The following KCNQ1 variants were observed in gnomAD, a reference collection of about 807,000 sequenced individuals.
The protein encoded by KCNQ1 is potassium voltage-gated channel subfamily Q member 1, also known as potassium voltage-gated channel subfamily KQT member 1.
Under a neutral mutation model 72.4 loss-of-function variants are expected in KCNQ1, and 49 were observed. That is an observed-to-expected ratio of 0.68 (90% CI 0.54 to 0.86). The LOEUF is 0.86. Among genes scored for constraint, KCNQ1 ranks in the 40% least tolerant of loss-of-function variants. The pLI is 0.00. For synonymous variants in KCNQ1, 450 were observed against 412.6 expected (o/e 1.09, Z -1.10); for missense variants, 790 against 945.1 (o/e 0.84, Z 2.15).
intron 7 of KCNQ1, among the ~76,000 whole-genome samples, chr11:2,584,568 TGTTA>T (rs990228658): frequency 2.0e-5 from 3 of 151,940 alleles, no homozygotes; most frequent in Admixed American, 6.6e-5. Context: ...TATTTGTGTG[TGTTA>T]GTGTTTGTGT....
rs1241945513 is a variant in KCNQ1, at chr11:2,450,783, C to T, written c.386+5299C>T. 1.3e-5 allele frequency among the ~76,000 whole-genome samples: 2 copies of T among 152,134 alleles called. No homozygotes were observed. The highest frequency in any genetic ancestry group is 2.9e-5 in the Non-Finnish European group (2 of 68,028). ...GTCTCTGGTACTGGCTGGGTGACCA[C>T]AGGGATGCCGCGTGACCCTAGTCCA... On this transcript the variant is annotated intron_variant, in intron 1 of 15. Coordinates refer to ENST00000155840, the MANE Select transcript of KCNQ1 (RefSeq NM_000218.3). This position sits in a 1 kb window ranked among gnomAD's most constrained non-coding sequence, Gnocchi z 7.9.
At position 2,683,295 on chromosome 11, in the gene KCNQ1, G is replaced by T. The variant is rs964764696; in HGVS notation, c.1514+21214G>T. The T allele has an allele frequency of 2.5e-6, 1 of 398,470 alleles. No individual in the cohort carries two copies. The highest frequency in any genetic ancestry group is 2.1e-5 in the African/African-American group (1 of 48,612). 24.7% of individuals were successfully genotyped at this position (398,470 alleles called of 1,614,324 possible). On this transcript the variant is annotated intron_variant, in intron 11 of 15. Transcript: ENST00000155840. This position sits in a 1 kb window ranked among gnomAD's most constrained non-coding sequence, Gnocchi z 4.7. ...AGTATGGGCAATGGCGTTTTAGTTT[G>T]CAAAACCAGACACATAGAGGCCAGG...
rs78329716 is a variant in KCNQ1 at position 2,568,576 on chromosome 11, C to T, written c.478-2052C>T. Among the ~76,000 whole-genome samples, 281 of 152,334 alleles carry T rather than the reference C, an allele frequency of 1.8e-3. 9 individuals are homozygous for T. In the East Asian group the frequency reaches 0.051, roughly 27 times the overall value. ...CGGGCAGTTTCTCAGAAGCAAAGAC[C>T]GACGAGACAGAGCTCCTGCTACCAG... On this transcript the variant is annotated intron_variant, in intron 2 of 15. Transcript: ENST00000155840.
rs944726923 is a variant in KCNQ1 at position 2,541,915 on chromosome 11, T to G, written c.477+13897T>G. Among the ~76,000 whole-genome samples, 5 of 152,154 alleles carry G rather than the reference T, an allele frequency of 3.3e-5. No individual in the cohort carries two copies. The highest frequency in any genetic ancestry group is 7.4e-5 in the Non-Finnish European group (5 of 68,020). ...GGGGTTTGGGGGCCAGTCGGCAGCC[T>G]CTGGAGGCCTCTGCACCCCTCCTGT... On this transcript the variant is annotated intron_variant, in intron 2 of 15. Transcript: ENST00000155840. This position sits in a 1 kb window ranked among gnomAD's most constrained non-coding sequence, Gnocchi z 4.8.
rs1215308029 is a variant in KCNQ1, at chr11:2,663,952, C to T, written c.1514+1871C>T. 1 of 398,730 alleles carries T rather than the reference C, an allele frequency of 2.5e-6. No individual in the cohort carries two copies. Among genetic ancestry groups the T allele is most frequent in the East Asian group, 3.6e-5 (1 of 28,076 alleles). 24.7% of individuals were successfully genotyped at this position (398,730 alleles called of 1,614,324 possible). On this transcript the variant is annotated intron_variant, in intron 11 of 15. Coordinates refer to ENST00000155840, the MANE Select transcript of KCNQ1 (RefSeq NM_000218.3). This position sits in a 1 kb window ranked among gnomAD's most constrained non-coding sequence, Gnocchi z 5.2. ...CTTGTTCCACTCCAGGATGACAGGG[C>T]CTGAGAGACCTGAACATCCATCCCC...
intron 10 of KCNQ1, chr11:2,640,070 G>C (rs962133110): frequency 3.2e-5 from 7 of 216,976 alleles, no homozygotes; most frequent in Admixed American, 1.2e-4. Context: ...ACAGTATTAG[G>C]GTGGGAGTGA....
At position 2,593,355 on chromosome 11, in the gene KCNQ1, C is replaced by T. The variant is rs557370750; in HGVS notation, c.1393+4501C>T. Among the ~76,000 whole-genome samples the T allele has an allele frequency of 1.9e-4, 28 of 151,286 alleles. No individual in the cohort carries two copies. Among genetic ancestry groups the T allele is most frequent in the Admixed American group, 1.0e-3 (16 of 15,272 alleles). ...TGGGCTGGAAGGTCGTGGTCTGTGA[C>T]GTAGGATCGGGGAGGCCACCTCAGA... On this transcript the variant is annotated intron_variant, in intron 10 of 15. Coordinates refer to ENST00000155840, the MANE Select transcript of KCNQ1 (RefSeq NM_000218.3). This position sits in a 1 kb window ranked among gnomAD's most constrained non-coding sequence, Gnocchi z 6.9.
At chr11:2,840,861 T>C (rs1251720721) in intron 15 of KCNQ1, among the ~76,000 whole-genome samples, 1 of 152,038 alleles carries the variant, frequency 6.6e-6, no homozygotes, top group African/African-American at 2.4e-5. Context: ...TTCTACCCCC[T>C]CACTCCAGCC....
At chr11:2,786,688 C>G (rs562071454) in intron 15 of KCNQ1, among the ~76,000 whole-genome samples, 3 of 151,730 alleles carry the variant, frequency 2.0e-5, no homozygotes, top group South Asian at 2.1e-4. Context: ...TAAAACTGTT[C>G]AGTGAATTTT....
rs1039014337 is a variant in KCNQ1 at position 2,571,199 on chromosome 11, C to G, written c.605-126C>G. On this transcript the variant is annotated intron_variant, in intron 3 of 15. Transcript: ENST00000155840. ...CCTATCCGAGGTGTCTCCATGTCCC[C>G]GGTCATCAGGGCGTGACCCGTCTGA... is the stretch of plus-strand genomic sequence containing the variant. 6 of 790,578 alleles carry G rather than the reference C, an allele frequency of 7.6e-6. No homozygotes were observed. The Admixed American group carries it at 1.1e-4, about 15-fold the overall frequency. The allele number at this position is 790,578 out of a possible 1,614,324, so 49.0% of individuals were successfully genotyped here.
intron 10 of KCNQ1, chr11:2,634,313 TCCCCCCTCC>T (rs1849416206): frequency 1.7e-4 from 1 of 5,880 alleles, no homozygotes; most frequent in Admixed American, 1.5e-3. Context: ...ATGCTTTCCC[TCCCCCCTCC>T]CCCCTCCCCC....
At chr11:2,521,235 G>A (rs1255569755) in intron 1 of KCNQ1, among the ~76,000 whole-genome samples, 5 of 151,830 alleles carry the variant, frequency 3.3e-5, no homozygotes, top group African/African-American at 9.7e-5. Flanking sequence ...CCCCGGCCCC[G>A]CCATCCTGCT....
intron 11 of KCNQ1, chr11:2,699,606 GCCCCCGGAGAGAACCGCGCCGAAGAA>G (rs1199345071): frequency 1.6e-4 from 35 of 218,928 alleles, no homozygotes; most frequent in African/African-American, 3.9e-4. Context: ...GCGGCGAGAG[GCCCCCGGAGAGAACCGCGCCGAAGAA>G]CCCCCGGGGA....
At chr11:2,740,900 A>G (rs1846039698) in intron 11 of KCNQ1, among the ~76,000 whole-genome samples, 1 of 152,140 alleles carries the variant, frequency 6.6e-6, no homozygotes, top group Non-Finnish European at 1.5e-5. Flanking sequence ...CACCCAGAGA[A>G]CCCAGGATTT....
chr11:2,703,729 G>C lies in KCNQ1; in HGVS notation c.1514+41648G>C, dbSNP rs1412861795. On this transcript the variant is annotated intron_variant, in intron 11 of 15. Transcript: ENST00000155840. The surrounding 1 kb of genome is among the most constrained non-coding windows in gnomAD (Gnocchi z 6.4). ...AAGGCAGGAGAAAGAACTGCTGTGG[G>C]AGCCCCTCACCCAAGCAGCAGGATG... is the stretch of plus-strand genomic sequence containing the variant. 6.6e-6 allele frequency among the ~76,000 whole-genome samples: 1 copy of C among 152,172 alleles called. No individual in the cohort carries two copies. Among genetic ancestry groups the C allele is most frequent in the African/African-American group, 2.4e-5 (1 of 41,446 alleles).
chr11:2,485,878 CCTTTT>C (rs1846733018), intron 1 of KCNQ1, among the ~76,000 whole-genome samples: 1 of 152,228 alleles, frequency 6.6e-6, no homozygotes, highest in Admixed American at 6.5e-5. Flanking sequence ...ATTTCCTTTT[CCTTTT>C]CAAGGCTGAA....
chr11:2,664,159 CCAAA>C lies in KCNQ1; in HGVS notation c.1514+2079_1514+2082del, dbSNP rs1850020479. On this transcript the variant is annotated intron_variant, in intron 11 of 15. Transcript: ENST00000155840. The surrounding 1 kb of genome is among the most constrained non-coding windows in gnomAD (Gnocchi z 5.1). ...AAGGCCTCTCTCAGAGCAGGCTGTT[CCAAA>C]AGTGGCTGCTAGATATGAGCCAGCC... 5.0e-6 allele frequency: 2 copies of C among 398,570 alleles called. No individual in the cohort carries two copies. The highest frequency in any genetic ancestry group is 8.8e-6 in the Non-Finnish European group (2 of 226,174). The allele number at this position is 398,570 out of a possible 1,614,324, so 24.7% of individuals were successfully genotyped here. A position where few individuals can be genotyped will look rare whatever the true frequency, so the allele number is the denominator to read the frequency against.
rs78075808 is a variant in KCNQ1, at chr11:2,671,749, A to G, written c.1514+9668A>G. 0.014 allele frequency: 5,636 copies of G among 398,718 alleles called. 196 individuals are homozygous for G. The highest frequency in any genetic ancestry group is 0.096 in the East Asian group (2,684 of 28,072). The allele number at this position is 398,718 out of a possible 1,614,324, so 24.7% of individuals were successfully genotyped here. A position where few individuals can be genotyped will look rare whatever the true frequency, so the allele number is the denominator to read the frequency against. ...GGCTTTTCAGAGAACAAGGAGCTACATACACATACATGCATGCACATAATC... is the reference window on the plus strand; with the variant it reads ...GGCTTTTCAGAGAACAAGGAGCTACGTACACATACATGCATGCACATAATC... On this transcript the variant is annotated intron_variant, in intron 11 of 15. Coordinates refer to ENST00000155840, the MANE Select transcript of KCNQ1 (RefSeq NM_000218.3). This position sits in a 1 kb window ranked among gnomAD's most constrained non-coding sequence, Gnocchi z 4.7.
rs1270443144 is a variant in KCNQ1, at chr11:2,598,603, C to T, written c.1393+9749C>T. Among the ~76,000 whole-genome samples the T allele has an allele frequency of 4.0e-5, 5 of 124,766 alleles. No homozygotes were observed. Among genetic ancestry groups the T allele is most frequent in the African/African-American group, 2.1e-4 (5 of 24,082 alleles). The allele number at this position is 124,766 out of a possible 152,430, so 81.9% of individuals were successfully genotyped here. On this transcript the variant is annotated intron_variant, in intron 10 of 15. Transcript: ENST00000155840. The surrounding 1 kb of genome is among the most constrained non-coding windows in gnomAD (Gnocchi z 6.2). ...TTGCCTCATTTAGGTCTGCTCTGCCCTTAGTTAAAAAAAAAAAACCCTAAT... is the reference window on the plus strand; with the variant it reads ...TTGCCTCATTTAGGTCTGCTCTGCCTTTAGTTAAAAAAAAAAAACCCTAAT...
Sources: gnomAD v4.1 joint callset for allele counts (sites outside exome capture counted in the v4.1 genomes callset) on GRCh38, gnomAD v4.1.1 for gene constraint, Gnocchi (gnomAD v3.1) non-coding constraint, MANE v1.5 for transcripts, NCBI Gene and HGNC (gene_info 2026-07-23, HGNC 2026-07-21) for gene names.